The following TTBK2 variants were observed in gnomAD, a reference collection of about 807,000 sequenced individuals.
TTBK2 encodes tau tubulin kinase 2, also known as tau-tubulin kinase 2.
Under a neutral mutation model 110.8 loss-of-function variants are expected in TTBK2, and 28 were observed. The observed-to-expected ratio is 0.25, with a 90% CI of 0.19 to 0.35. The LOEUF (loss-of-function observed/expected upper bound fraction) is 0.35. TTBK2 is among the 10% of genes least tolerant of loss of function. TTBK2 has a pLI of 1.00. For synonymous variants in TTBK2, 532 were observed against 527.3 expected, an observed-to-expected ratio of 1.01 and a Z score of -0.12; for missense variants, 1,369 against 1,500.3, an observed-to-expected ratio of 0.91 and a Z score of 1.45.
Position 42,794,807 on chromosome 15 carries a change from C to T in TTBK2, c.823-6G>A, listed in dbSNP as rs1201701221. ...TCAAACACGGATGTAAGAAGCTAAA[C>T]CACAAAGAAAAAAACTAGAGTAAGT... is the stretch of plus-strand genomic sequence containing the variant. On this transcript the variant is annotated splice_polypyrimidine_tract_variant and splice_region_variant and intron_variant, in intron 9 of 14. Coordinates refer to ENST00000267890, the MANE Select transcript of TTBK2 (RefSeq NM_173500.4). 4 of 1,613,686 alleles carry T rather than the reference C, an allele frequency of 2.5e-6. No individual in the cohort carries two copies. Among genetic ancestry groups the T allele is most frequent in the Admixed American group, 3.3e-5 (2 of 59,966 alleles).
At chr15:42,778,107 A>C (rs1890010788) in intron 11 of TTBK2, among the ~76,000 whole-genome samples, 1 of 152,168 alleles carries the variant, frequency 6.6e-6, no homozygotes, top group African/African-American at 2.4e-5. Context: ...TAAGAAAAAC[A>C]TTTAAAACTC....
rs1008204993 is a variant in TTBK2 at position 42,743,022 on chromosome 15, T to A, written c.*2773A>T. On this transcript the variant is annotated 3_prime_UTR_variant, in exon 15 of 15. Coordinates refer to ENST00000267890, the MANE Select transcript of TTBK2 (RefSeq NM_173500.4). ...TTCTATTTTTCACCTGAGAGACATC[T>A]AAAAGCGCAAACTATGCTTGTAAAA... The A allele has an allele frequency of 6.6e-6, 1 of 152,186 alleles. No individual in the cohort carries two copies. Among genetic ancestry groups the A allele is most frequent in the African/African-American group, 2.4e-5 (1 of 41,438 alleles). 9.4% of individuals were successfully genotyped at this position (152,186 alleles called of 1,614,324 possible).
rs752644926 is a variant in TTBK2 at position 42,753,085 on chromosome 15, G to T, written c.2161C>A (p.Pro721Thr). ...FSGLVVTEGE[P>T]PSGGSRTDLG... ...TCTGTTCTGCTTCCTCCACTAGGAG[G>T]TTCACCCTCTGTCACAACCAAGCCA... Residue 721 changes from proline to threonine, a missense_variant, in exon 14 of 15, where the codon CCT becomes ACT. Transcript: ENST00000267890. 7.5e-6 allele frequency: 12 copies of T among 1,606,522 alleles called. No homozygotes were observed. The highest frequency in any genetic ancestry group is 8.5e-6 in the Non-Finnish European group (10 of 1,176,448).
In TTBK2 at chr15:42,872,615, C is replaced by T. The variant is rs756076464; in HGVS notation, c.213G>A (p.Leu71=). 5 of 1,614,080 alleles carry T rather than the reference C, an allele frequency of 3.1e-6. No homozygotes were observed. The highest frequency in any genetic ancestry group is 4.2e-6 in the Non-Finnish European group (5 of 1,179,986). The part of the protein sequence containing the change: ...LKMEVAVLKK[L]QGKDHVCRFI... ...TATATTCTACAAAGGGCTTACCTTG[C>T]AGCTTTTTCAAAACAGCAACTTCCA... The change falls in exon 3 of 15, where the codon CTG becomes CTA. Residue 71 remains leucine, a synonymous_variant. Transcript: ENST00000267890.
chr15:42,911,041 T>C (rs1328187986), intron 1 of TTBK2, among the ~76,000 whole-genome samples: 1 of 141,486 alleles, frequency 7.1e-6, no homozygotes. Context: ...TGAAACTCCG[T>C]CTCAAAAAAA....
chr15:42,753,309 T>C (rs936020618), intron 13 of TTBK2, 62 bp from the exon 14 acceptor site: 5 of 1,505,508 alleles, frequency 3.3e-6, no homozygotes, highest in Non-Finnish European at 4.5e-6. Context: ...AGATGCATGC[T>C]TTGAGATTTA....
intron 1 of TTBK2, among the ~76,000 whole-genome samples, chr15:42,886,203 C>T (rs113643327): frequency 2.6e-5 from 4 of 152,006 alleles, no homozygotes; most frequent in African/African-American, 4.8e-5. Flanking sequence ...GGCTGCTCCT[C>T]GCCAGGCCAA....
chr15:42,816,085 A>ATATATATATATATAT (rs1567040790), intron 7 of TTBK2, among the ~76,000 whole-genome samples: 25 of 67,438 alleles, frequency 3.7e-4, no homozygotes, highest in South Asian at 1.0e-3. Context: ...TAAATAAATA[A>ATATATATATATATAT]ATATATATAT....
chr15:42,840,113 T>C (rs957273449), intron 4 of TTBK2, among the ~76,000 whole-genome samples: 5 of 152,172 alleles, frequency 3.3e-5, no homozygotes, highest in East Asian at 1.9e-4. Flanking sequence ...CCCTCATCCA[T>C]GCAGGGATCG....
chr15:42,755,483 C>T (rs2061933479), intron 13 of TTBK2, among the ~76,000 whole-genome samples: 1 of 151,692 alleles, frequency 6.6e-6, no homozygotes, highest in African/African-American at 2.4e-5. Flanking sequence ...ACATGTAAAG[C>T]TTGTCCTAAG....
intron 1 of TTBK2, among the ~76,000 whole-genome samples, chr15:42,895,336 G>T (rs562029603): frequency 6.6e-6 from 1 of 152,166 alleles, no homozygotes; most frequent in South Asian, 2.1e-4. Context: ...CAGAAAAACA[G>T]TCCATTGAGG....
At chr15:42,754,517 C>G (rs2061915351) in intron 13 of TTBK2, among the ~76,000 whole-genome samples, 1 of 151,724 alleles carries the variant, frequency 6.6e-6, no homozygotes, top group Admixed American at 6.6e-5. Flanking sequence ...CTGCCTCAGC[C>G]TCCCAAGTAT....
chr15:42,797,020 G>A (rs1890974403), intron 9 of TTBK2, among the ~76,000 whole-genome samples: 1 of 152,188 alleles, frequency 6.6e-6, no homozygotes, highest in Non-Finnish European at 1.5e-5. Context: ...AATGTCAGAG[G>A]TAGAGGGCCG....
chr15:42,856,992 C>T (rs1258198282), intron 3 of TTBK2, among the ~76,000 whole-genome samples: 2 of 151,162 alleles, frequency 1.3e-5, no homozygotes, highest in Non-Finnish European at 2.9e-5. Context: ...ACCTTGGAGG[C>T]AGAGGTTGCA....
intron 6 of TTBK2, among the ~76,000 whole-genome samples, chr15:42,818,593 G>T (rs1432827184): frequency 2.0e-5 from 3 of 151,930 alleles, no homozygotes; most frequent in African/African-American, 7.2e-5. Context: ...GGTGGCAGGT[G>T]CCTGTAGTCC....
intron 14 of TTBK2, among the ~76,000 whole-genome samples, chr15:42,751,202 T>G (rs2140583061): frequency 6.6e-6 from 1 of 152,360 alleles, no homozygotes; most frequent in East Asian, 1.9e-4. Flanking sequence ...TTACATAATT[T>G]AAGAGATTAA....
intron 9 of TTBK2, among the ~76,000 whole-genome samples, chr15:42,796,940 T>C (rs1726904514): frequency 6.6e-6 from 1 of 152,188 alleles, no homozygotes; most frequent in Non-Finnish European, 1.5e-5. Context: ...AGTTATAAAA[T>C]CTGAGAAATT....
chr15:42,789,756 A>T (rs1169285160), intron 10 of TTBK2, among the ~76,000 whole-genome samples: 1 of 152,024 alleles, frequency 6.6e-6, no homozygotes, highest in East Asian at 1.9e-4. Context: ...ATAGAAAAAT[A>T]AAAAGCTGAA....
At chr15:42,801,232 A>G (rs772382267) in intron 9 of TTBK2, 1 of 1,532,844 alleles carries the variant, frequency 6.5e-7, no homozygotes, top group Non-Finnish European at 8.9e-7. Flanking sequence ...TCGCCCTCCA[A>G]CAGCTTCCTG....
Sources: allele counts gnomAD v4.1 joint callset (sites outside exome capture counted in the v4.1 genomes callset), GRCh38; gene constraint gnomAD v4.1.1; transcripts MANE v1.5; gene names NCBI Gene and HGNC (gene_info 2026-07-23, HGNC 2026-07-21).